The following CSMD1 variants were observed in gnomAD, a reference collection of about 807,000 sequenced individuals.
CSMD1 encodes CUB and Sushi multiple domains 1.
Under a neutral mutation model 417.5 loss-of-function variants are expected in CSMD1, and 213 were observed. The ratio of observed to expected loss-of-function variants is 0.51; its 90% CI spans 0.46 to 0.57. The LOEUF (loss-of-function observed/expected upper bound fraction) is 0.57. CSMD1 is among the 20% of genes least tolerant of loss of function. The pLI, the probability that CSMD1 is intolerant of heterozygous loss-of-function variation, is 0.00. For synonymous variants in CSMD1, 2,862 were observed against 1,736.8 expected, an observed-to-expected ratio of 1.65 and a Z score of -16.11; for missense variants, 6,923 against 4,529.7, an observed-to-expected ratio of 1.53 and a Z score of -15.17.
chr8:3,550,392 C>G (rs1474263930), intron 10 of CSMD1, among the ~76,000 whole-genome samples: 1 of 152,214 alleles, frequency 6.6e-6, no homozygotes, highest in Non-Finnish European at 1.5e-5. Flanking sequence ...CCTTCCCCAT[C>G]TTCACAACCT....
intron 2 of CSMD1, among the ~76,000 whole-genome samples, chr8:4,446,217 CTA>C (rs1204388520): frequency 1.3e-5 from 2 of 152,176 alleles, no homozygotes; most frequent in African/African-American, 4.8e-5. Flanking sequence ...CCACAATCAT[CTA>C]TTTCTAGGAT....
intron 11 of CSMD1, among the ~76,000 whole-genome samples, chr8:3,475,801 G>A (rs1013023488): frequency 1.3e-5 from 2 of 152,238 alleles, no homozygotes; most frequent in African/African-American, 4.8e-5. Context: ...TTATGTATTT[G>A]TTCCTGCCTT....
At chr8:3,325,645 G>T (rs1470196863) in intron 23 of CSMD1, among the ~76,000 whole-genome samples, 1 of 152,158 alleles carries the variant, frequency 6.6e-6, no homozygotes, top group Non-Finnish European at 1.5e-5. Flanking sequence ...TCAGCGTGGT[G>T]AAACCCCGTC....
intron 5 of CSMD1, among the ~76,000 whole-genome samples, chr8:3,970,370 C>T (rs573137984): frequency 7.2e-5 from 11 of 152,254 alleles, no homozygotes; most frequent in South Asian, 4.2e-4. Flanking sequence ...TTTGCAACTC[C>T]GACCAAACAG....
At chr8:4,965,262 T>C (rs1455250097) in intron 1 of CSMD1, among the ~76,000 whole-genome samples, 1 of 152,226 alleles carries the variant, frequency 6.6e-6, no homozygotes, top group Non-Finnish European at 1.5e-5. Context: ...TTGATAACAA[T>C]TAGCCAATAC....
At chr8:4,109,575 T>C (rs1461057028) in intron 3 of CSMD1, among the ~76,000 whole-genome samples, 5 of 152,178 alleles carry the variant, frequency 3.3e-5, no homozygotes, top group Non-Finnish European at 7.4e-5. Flanking sequence ...AGTCAATGTC[T>C]GGAACTACGC....
intron 18 of CSMD1, among the ~76,000 whole-genome samples, chr8:3,383,186 T>C (rs1444485049): frequency 6.6e-6 from 1 of 152,230 alleles, no homozygotes; most frequent in Non-Finnish European, 1.5e-5. Context: ...ATTAACAAGT[T>C]ATAGATCATG....
chr8:4,937,727 G>A (rs569368720), intron 1 of CSMD1, among the ~76,000 whole-genome samples: 11 of 152,188 alleles, frequency 7.2e-5, no homozygotes, highest in Non-Finnish European at 1.3e-4. Context: ...TTACGCCTGA[G>A]CAGAGTAAGA....
intron 3 of CSMD1, among the ~76,000 whole-genome samples, chr8:4,240,018 G>C (rs1318260801): frequency 1.3e-5 from 2 of 152,178 alleles, no homozygotes; most frequent in Non-Finnish European, 2.9e-5. Flanking sequence ...GTGTTTTCAA[G>C]AAGTCCCACA....
intron 1 of CSMD1, among the ~76,000 whole-genome samples, chr8:4,828,257 C>T (rs537204040): frequency 5.3e-5 from 8 of 152,226 alleles, no homozygotes; most frequent in Admixed American, 2.6e-4. Context: ...AGATATGTTC[C>T]ATGCACTTAG....
At chr8:3,828,429 G>C (rs1325902749) in intron 5 of CSMD1, among the ~76,000 whole-genome samples, 48 of 151,934 alleles carry the variant, frequency 3.2e-4, no homozygotes, top group Non-Finnish European at 8.8e-5. Context: ...CCTCTGACTT[G>C]GAATACAAAA....
At chr8:4,105,968 A>G (rs549737357) in intron 3 of CSMD1, among the ~76,000 whole-genome samples, 7 of 152,314 alleles carry the variant, frequency 4.6e-5, no homozygotes, top group African/African-American at 1.4e-4. Context: ...ACAAGTCCCA[A>G]CTTCACCACA....
At chr8:4,759,207 G>C (rs1015553529) in intron 1 of CSMD1, among the ~76,000 whole-genome samples, 3 of 152,168 alleles carry the variant, frequency 2.0e-5, no homozygotes, top group African/African-American at 7.2e-5. Flanking sequence ...CTTGAGGCCA[G>C]AGGCTCTGGT....
intron 5 of CSMD1, among the ~76,000 whole-genome samples, chr8:3,923,910 T>A (rs1809457815): frequency 6.6e-6 from 1 of 152,232 alleles, no homozygotes; most frequent in Admixed American, 6.5e-5. Flanking sequence ...TATTGTCCTT[T>A]AAATTTCATA....
chr8:4,948,961 A>C (rs1003043195), intron 1 of CSMD1, among the ~76,000 whole-genome samples: 1 of 152,144 alleles, frequency 6.6e-6, no homozygotes, highest in Admixed American at 6.6e-5. Flanking sequence ...TTTATATAGC[A>C]AGGCTGATAT....
chr8:3,694,942 T>G (rs1396264413), intron 7 of CSMD1, among the ~76,000 whole-genome samples: 1 of 151,940 alleles, frequency 6.6e-6, no homozygotes, highest in East Asian at 1.9e-4. Context: ...GCTTGCCAGT[T>G]CAGTATGTCA....
chr8:3,190,012 C>T lies in CSMD1; in HGVS notation c.5298G>A (p.Glu1766=), dbSNP rs776232444. ...EFSAGSIVRF[E]CNPGYLLQGS... is the part of the protein sequence containing the mutation. The stretch of plus-strand genomic sequence containing the variant: ...CCTGAAGCAGGTATCCCGGGTTGCA[C>T]TCGAATCGGACGATGGAGCCGGCAG... The change falls in exon 34 of 70, where the codon GAG becomes GAA. Residue 1766 remains glutamate (E), a synonymous_variant. Transcript: ENST00000635120. 1.3e-6 allele frequency: 2 copies of T among 1,597,748 alleles called. No homozygotes were observed. Among genetic ancestry groups the T allele is most frequent in the South Asian group, 1.1e-5 (1 of 87,664 alleles).
At chr8:3,894,191 T>A (rs193032180) in intron 5 of CSMD1, among the ~76,000 whole-genome samples, 8 of 152,188 alleles carry the variant, frequency 5.3e-5, no homozygotes, top group African/African-American at 1.9e-4. Context: ...GTCTTTTGTT[T>A]GAATTGTTCT....
rs559218033 is a variant in CSMD1, at chr8:4,921,031, A to G, written c.85+73301T>C. On this transcript the variant is annotated intron_variant, in intron 1 of 69. Transcript: ENST00000635120. ...AGAAAGAAAAGAAAGAAAGGAAGAA[A>G]GAAAGGAAGGAAGAAAGAAAAGAGA... is the stretch of plus-strand genomic sequence containing the variant. Among the ~76,000 whole-genome samples, 50 of 150,166 alleles carry G rather than the reference A, an allele frequency of 3.3e-4. 2 individuals are homozygous for G. Among genetic ancestry groups the G allele is most frequent in the Non-Finnish European group, 5.6e-4 (38 of 67,482 alleles).
Sources: allele counts gnomAD v4.1 joint callset (sites outside exome capture counted in the v4.1 genomes callset), GRCh38; gene constraint gnomAD v4.1.1; transcripts MANE v1.5; gene names NCBI Gene and HGNC (gene_info 2026-07-23, HGNC 2026-07-21).